Variants in PACRG observed in about 807,000 individuals in gnomAD.
The protein encoded by PACRG is parkin coregulated, also known as parkin coregulated gene protein.
PACRG carries 29 observed loss-of-function variants against 29.7 expected under a neutral mutation model. The observed-to-expected ratio is 0.98, with a 90% CI of 0.73 to 1.33. The LOEUF (loss-of-function observed/expected upper bound fraction) is 1.33, where lower values mean the gene tolerates loss of function less well. PACRG is among the 40% of genes most tolerant of loss of function. The pLI, the probability that PACRG is intolerant of heterozygous loss-of-function variation, is 0.00. For missense variants in PACRG, 279 were observed against 316.2 expected (o/e 0.88, Z 0.89); for synonymous variants, 116 against 118.7 (o/e 0.98, Z 0.15).
chr6:163,249,810 G>A (rs568612569), intron 4 of PACRG, among the ~76,000 whole-genome samples: 1 of 152,354 alleles, frequency 6.6e-6, no homozygotes, highest in East Asian at 1.9e-4. Flanking sequence ...GCAAACTGAA[G>A]TTTGAGTCAG....
At chr6:163,048,979 A>G (rs55824084) in intron 2 of PACRG, among the ~76,000 whole-genome samples, 3,389 of 152,240 alleles carry the variant, frequency 0.022, 133 homozygotes, top group African/African-American at 0.077. Context: ...GTTGAATGCA[A>G]GGTTCTATGT....
At chr6:163,130,698 T>C (rs1433832320) in intron 4 of PACRG, among the ~76,000 whole-genome samples, 1 of 152,068 alleles carries the variant, frequency 6.6e-6, no homozygotes, top group Non-Finnish European at 1.5e-5. Context: ...CCATACCTAA[T>C]CCTCCTCCTA....
chr6:162,978,429 A>T (rs948222926), intron 2 of PACRG, among the ~76,000 whole-genome samples: 1 of 151,920 alleles, frequency 6.6e-6, no homozygotes, highest in South Asian at 2.1e-4. Flanking sequence ...CTCTGGCTCT[A>T]TCTCTGTCTC....
intron 2 of PACRG, among the ~76,000 whole-genome samples, chr6:163,028,852 AT>A (rs1807392066): frequency 6.6e-6 from 1 of 152,172 alleles, no homozygotes; most frequent in South Asian, 2.1e-4. Flanking sequence ...TGGAAGTATC[AT>A]TTTACAACCC....
intron 3 of PACRG, among the ~76,000 whole-genome samples, chr6:163,088,990 G>T (rs181787338): frequency 4.9e-4 from 75 of 152,138 alleles, no homozygotes; most frequent in African/African-American, 1.4e-3. Context: ...TCAGAGCCCC[G>T]GCCTCTTCTA....
At chr6:162,955,261 G>A (rs1298197786) in intron 2 of PACRG, among the ~76,000 whole-genome samples, 1 of 151,862 alleles carries the variant, frequency 6.6e-6, no homozygotes, top group Non-Finnish European at 1.5e-5. Flanking sequence ...TCCCCTAATG[G>A]TTTTGAAATC....
intron 4 of PACRG, among the ~76,000 whole-genome samples, chr6:163,279,883 T>G (rs141870832): frequency 6.6e-6 from 1 of 152,308 alleles, no homozygotes; most frequent in Non-Finnish European, 1.5e-5. Context: ...CCTATGTTAT[T>G]GAATTACCTG....
At chr6:162,931,550 T>A (rs1170520792) in intron 2 of PACRG, among the ~76,000 whole-genome samples, 2 of 151,992 alleles carry the variant, frequency 1.3e-5, no homozygotes, top group Non-Finnish European at 2.9e-5. Flanking sequence ...TGCAGTTGTT[T>A]CAGCACCATT....
intron 1 of PACRG, among the ~76,000 whole-genome samples, chr6:162,797,064 G>A (rs1030960352): frequency 2.6e-5 from 4 of 152,174 alleles, no homozygotes; most frequent in Admixed American, 1.3e-4. Context: ...ATCAACTGAG[G>A]TCAGGAGTTC....
At chr6:163,274,654 TA>T (rs1478145581) in intron 4 of PACRG, among the ~76,000 whole-genome samples, 1 of 152,194 alleles carries the variant, frequency 6.6e-6, no homozygotes, top group African/African-American at 2.4e-5. Context: ...ACCAACAGTG[TA>T]AAAATGTTCC....
rs553539455 is a variant in PACRG, at chr6:162,872,928, G to A, written c.291+58647G>A. 9.2e-5 allele frequency among the ~76,000 whole-genome samples: 14 copies of A among 152,192 alleles called. No individual in the cohort carries two copies. The South Asian group carries it at 2.9e-3, about 32-fold the overall frequency. ...TATACTGATTTTAGCTTCAAGGCCT[G>A]ACTGATATCACTAGGTATCAGAATC... On this transcript the variant is annotated intron_variant, in intron 2 of 4. Coordinates refer to ENST00000366888, the MANE Select transcript of PACRG (RefSeq NM_001080379.2).
intron 1 of PACRG, among the ~76,000 whole-genome samples, chr6:162,810,928 G>C (rs1269735432): frequency 1.3e-5 from 2 of 152,124 alleles, no homozygotes; most frequent in Non-Finnish European, 1.5e-5. Flanking sequence ...TGAACCTACA[G>C]ATTCACAAAG....
intron 4 of PACRG, among the ~76,000 whole-genome samples, chr6:163,152,720 T>C (rs1220933073): frequency 6.6e-6 from 1 of 152,244 alleles, no homozygotes; most frequent in African/African-American, 2.4e-5. Flanking sequence ...CCTAGCAGCT[T>C]ACAGCAATAT....
intron 2 of PACRG, among the ~76,000 whole-genome samples, chr6:162,896,426 A>G (rs1479534529): frequency 6.6e-6 from 1 of 152,200 alleles, no homozygotes; most frequent in Non-Finnish European, 1.5e-5. Flanking sequence ...GTCCAGGGAT[A>G]ATTTCTCCGT....
At chr6:162,928,746 A>G (rs943896651) in intron 2 of PACRG, among the ~76,000 whole-genome samples, 4 of 151,710 alleles carry the variant, frequency 2.6e-5, no homozygotes, top group Admixed American at 6.6e-5. Flanking sequence ...ATATGTATGT[A>G]TGTTTTTATT....
intron 2 of PACRG, among the ~76,000 whole-genome samples, chr6:162,988,434 T>A (rs555847139): frequency 6.6e-6 from 1 of 152,124 alleles, no homozygotes; most frequent in African/African-American, 2.4e-5. Context: ...TGGATATGCA[T>A]GGGGCAAGCC....
chr6:162,787,030 G>A (rs1784514132), intron 1 of PACRG, among the ~76,000 whole-genome samples: 3 of 152,112 alleles, frequency 2.0e-5, no homozygotes, highest in Admixed American at 1.3e-4. Flanking sequence ...TGAAATTTCT[G>A]CCATGAGTAA....
Position 162,814,292 on chromosome 6 carries a change from G to A in PACRG, c.291+11G>A. ...AAAATCGCCTGGAAGGTAAGTCAGG[G>A]CACAGCTGTGCCGGCCAGCTGCACC... On this transcript the variant is annotated intron_variant, in intron 2 of 4. Transcript: ENST00000366888. 1 of 1,612,492 alleles carries A rather than the reference G, an allele frequency of 6.2e-7. No homozygotes were observed.
intron 4 of PACRG, among the ~76,000 whole-genome samples, chr6:163,098,335 C>G (rs1445961935): frequency 1.6e-4 from 25 of 152,176 alleles, no homozygotes. Flanking sequence ...TACTGCCATT[C>G]CAGGGACTCT....
Sources: gnomAD v4.1 joint callset for allele counts (sites outside exome capture counted in the v4.1 genomes callset) on GRCh38, gnomAD v4.1.1 for gene constraint, MANE v1.5 for transcripts, NCBI Gene and HGNC (gene_info 2026-07-23, HGNC 2026-07-21) for gene names.